The following MECOM variants were observed in gnomAD, a reference collection of about 807,000 sequenced individuals.
MECOM encodes MDS1 and EVI1 complex locus.
MECOM carries 13 observed loss-of-function variants against 116.3 expected under a neutral mutation model. That is an observed-to-expected ratio of 0.11 (90% CI 0.07 to 0.18). MECOM has a LOEUF of 0.18. MECOM is among the 10% of genes least tolerant of loss of function. MECOM has a pLI of 1.00. For synonymous variants in MECOM, 528 were observed against 535.2 expected (o/e 0.99, Z 0.19); for missense variants, 1,299 against 1,509.0 (o/e 0.86, Z 2.31).
intron 1 of MECOM, among the ~76,000 whole-genome samples, chr3:169,479,305 G>A (rs1265424108): frequency 1.3e-5 from 2 of 151,508 alleles, no homozygotes; most frequent in African/African-American, 4.9e-5. Flanking sequence ...AAGAGACAGA[G>A]ATGAGCAGCA....
chr3:169,160,812 A>G (rs1370934392), intron 2 of MECOM, among the ~76,000 whole-genome samples: 2 of 152,102 alleles, frequency 1.3e-5, no homozygotes, highest in African/African-American at 4.8e-5. Context: ...TACACCTGCT[A>G]TGTACCCACA....
chr3:169,237,135 T>C (rs1754162734), intron 2 of MECOM, among the ~76,000 whole-genome samples: 1 of 152,212 alleles, frequency 6.6e-6, no homozygotes, highest in African/African-American at 2.4e-5. Context: ...TAATGTAATA[T>C]CCACTAGGAT....
intron 1 of MECOM, among the ~76,000 whole-genome samples, chr3:169,511,768 TA>T (rs566797659): frequency 7.7e-4 from 111 of 143,748 alleles, no homozygotes; most frequent in Non-Finnish European, 6.0e-4. Flanking sequence ...GACTCTGTCT[TA>T]AAAAAAAAAA....
intron 2 of MECOM, among the ~76,000 whole-genome samples, chr3:169,328,935 C>G (rs1457463862): frequency 6.6e-6 from 1 of 152,148 alleles, no homozygotes; most frequent in Admixed American, 6.5e-5. Context: ...ATCTGAGTAC[C>G]TGACTTTAGA....
At chr3:169,578,346 TA>T (rs1386816582) in intron 1 of MECOM, among the ~76,000 whole-genome samples, 5 of 152,182 alleles carry the variant, frequency 3.3e-5, no homozygotes, top group Admixed American at 2.6e-4. Flanking sequence ...CTATGGAGCA[TA>T]AATTTTTTTT....
chr3:169,458,483 G>C (rs1746882863), intron 1 of MECOM, among the ~76,000 whole-genome samples: 1 of 152,170 alleles, frequency 6.6e-6, no homozygotes, highest in African/African-American at 2.4e-5. Context: ...TTCTGCTCCC[G>C]AGTCCCTGGG....
chr3:169,329,054 C>T (rs895676661), intron 2 of MECOM, among the ~76,000 whole-genome samples: 1 of 152,026 alleles, frequency 6.6e-6, no homozygotes, highest in Non-Finnish European at 1.5e-5. Context: ...GTGATGCTAC[C>T]CATTCCGAAG....
At chr3:169,216,297 T>C (rs1751413955) in intron 2 of MECOM, among the ~76,000 whole-genome samples, 1 of 152,208 alleles carries the variant, frequency 6.6e-6, no homozygotes, top group Non-Finnish European at 1.5e-5. Context: ...CTACTTTTTT[T>C]CTCACTAGGT....
At chr3:169,166,022 A>C (rs145545032) in intron 2 of MECOM, among the ~76,000 whole-genome samples, 146 of 152,234 alleles carry the variant, frequency 9.6e-4, no homozygotes, top group African/African-American at 3.2e-3. Flanking sequence ...TCCACTCTTC[A>C]CTGAAGGATC....
chr3:169,456,094 G>C (rs981561476), intron 1 of MECOM, among the ~76,000 whole-genome samples: 8 of 152,016 alleles, frequency 5.3e-5, no homozygotes, highest in African/African-American at 1.9e-4. Context: ...CACCTTCTTG[G>C]AAATTTATAT....
intron 1 of MECOM, among the ~76,000 whole-genome samples, chr3:169,577,337 C>A (rs1386051612): frequency 6.6e-6 from 1 of 152,162 alleles, no homozygotes; most frequent in East Asian, 1.9e-4. Flanking sequence ...TGATGCTTAT[C>A]AGTAAACCCT....
chr3:169,430,957 T>A (rs891681668), intron 1 of MECOM, among the ~76,000 whole-genome samples: 4 of 152,220 alleles, frequency 2.6e-5, no homozygotes. Flanking sequence ...ATCCCCCAGC[T>A]GCAGTAGAAT....
rs183688727 is a variant in MECOM at position 169,230,380 on chromosome 3, C to T, written c.376-86548G>A. Among the ~76,000 whole-genome samples, 9 of 152,222 alleles carry T rather than the reference C, an allele frequency of 5.9e-5. No homozygotes were observed. The East Asian group carries it at 1.2e-3, about 20-fold the overall frequency. ...AATGCAGTGATTTCAACTTATACAG[C>T]TGACCTTAGCTTTTCTTTGAGATAC... On this transcript the variant is annotated intron_variant, in intron 2 of 16. Transcript: ENST00000651503.
At chr3:169,174,924 A>G (rs566838764) in intron 2 of MECOM, among the ~76,000 whole-genome samples, 2 of 152,274 alleles carry the variant, frequency 1.3e-5, no homozygotes, top group African/African-American at 4.8e-5. Context: ...AACTTCTTAA[A>G]ACTCAGGCTT....
intron 8 of MECOM, among the ~76,000 whole-genome samples, chr3:169,113,638 C>T (rs1728168632): frequency 6.6e-6 from 1 of 151,792 alleles, no homozygotes; most frequent in South Asian, 2.1e-4. Context: ...GTATTAAGCA[C>T]ATAGGGAAAT....
intron 2 of MECOM, among the ~76,000 whole-genome samples, chr3:169,161,722 A>G (rs1742868524): frequency 6.6e-6 from 1 of 152,170 alleles, no homozygotes; most frequent in South Asian, 2.1e-4. Context: ...CTTCCGATAA[A>G]CAGAATGAGG....
At chr3:169,492,671 C>T (rs1174684055) in intron 1 of MECOM, among the ~76,000 whole-genome samples, 2 of 152,054 alleles carry the variant, frequency 1.3e-5, no homozygotes, top group African/African-American at 4.8e-5. Context: ...GTAAAATTAA[C>T]TCATATTAGG....
chr3:169,113,006 G>C (rs980177075), intron 8 of MECOM, 132 bp from the exon 9 acceptor site: 44 of 628,542 alleles, frequency 7.0e-5, no homozygotes, highest in Non-Finnish European at 1.1e-4. Flanking sequence ...TAAAACTATA[G>C]AGACATCTGT....
intron 2 of MECOM, among the ~76,000 whole-genome samples, chr3:169,261,040 T>C (rs1367892401): frequency 1.3e-5 from 2 of 152,134 alleles, no homozygotes; most frequent in Non-Finnish European, 2.9e-5. Context: ...TTCTAAGTAG[T>C]TGGTTTATTC....
Sources: allele counts gnomAD v4.1 joint callset (sites outside exome capture counted in the v4.1 genomes callset), GRCh38; gene constraint gnomAD v4.1.1; transcripts MANE v1.5; gene names NCBI Gene and HGNC (gene_info 2026-07-23, HGNC 2026-07-21).